The following IL1RAPL1 variants were observed in gnomAD, a reference collection of about 807,000 sequenced individuals.
IL1RAPL1 encodes interleukin 1 receptor accessory protein like 1.
A neutral mutation model predicts 48.4 loss-of-function variants in IL1RAPL1; 3 were observed. The observed-to-expected ratio is 0.06, with a 90% CI of 0.03 to 0.16. The LOEUF (loss-of-function observed/expected upper bound fraction) is 0.16. Among genes scored for constraint, IL1RAPL1 ranks in the 10% least tolerant of loss-of-function variants. The pLI is 1.00. For synonymous variants in IL1RAPL1, 185 were observed against 187.7 expected (o/e 0.99, Z 0.12); for missense variants, 349 against 530.6 (o/e 0.66, Z 3.36).
chrX:29,863,015 AT>A (rs1288716233), intron 6 of IL1RAPL1, among the ~76,000 whole-genome samples: 1 of 108,442 alleles, frequency 9.2e-6, no homozygotes, highest in Non-Finnish European at 1.9e-5. Flanking sequence ...TAGTAGAGAC[AT>A]TTTTTACCCA....
At chrX:29,544,478 T>C (rs1921543344) in intron 5 of IL1RAPL1, among the ~76,000 whole-genome samples, 1 of 111,610 alleles carries the variant, frequency 9.0e-6, no homozygotes, top group Admixed American at 9.6e-5. Context: ...CATGGAGCAG[T>C]AAGAGTTTTT....
intron 2 of IL1RAPL1, among the ~76,000 whole-genome samples, chrX:29,233,692 G>A (rs1348786565): frequency 1.8e-5 from 2 of 111,187 alleles, no homozygotes; most frequent in East Asian, 2.8e-4. Flanking sequence ...CCACACCCCC[G>A]ACTAGGTTAC....
chrX:28,778,233 A>G (rs1326502691), intron 1 of IL1RAPL1, among the ~76,000 whole-genome samples: 1 of 112,448 alleles, frequency 8.9e-6, no homozygotes, highest in Non-Finnish European at 1.9e-5. Context: ...TCTAATTGGC[A>G]TAAAGCCACC....
chrX:29,795,172 T>C (rs945930020), intron 6 of IL1RAPL1, among the ~76,000 whole-genome samples: 2 of 112,092 alleles, frequency 1.8e-5, no homozygotes, highest in African/African-American at 6.5e-5. Flanking sequence ...TAATACTTCA[T>C]AGATATCCTA....
intron 5 of IL1RAPL1, among the ~76,000 whole-genome samples, chrX:29,428,567 C>CA (rs1206227085): frequency 2.4e-4 from 25 of 103,523 alleles, no homozygotes; most frequent in South Asian, 2.1e-3. Flanking sequence ...ACTTTAGGAA[C>CA]AAAAAAAAAA....
chrX:29,659,065 C>T (rs1000068313), intron 5 of IL1RAPL1, among the ~76,000 whole-genome samples: 3 of 111,487 alleles, frequency 2.7e-5, no homozygotes, highest in Non-Finnish European at 3.8e-5. Flanking sequence ...TCATATGGAA[C>T]GAAATGGAGC....
intron 1 of IL1RAPL1, among the ~76,000 whole-genome samples, chrX:28,660,086 GGTGTGTGTGT>G (rs60600833): frequency 0.013 from 976 of 76,427 alleles, 8 homozygotes; most frequent in African/African-American, 0.027. Context: ...GAGTGAGGAT[GGTGTGTGTGT>G]GTGTGTGTGT....
At chrX:28,918,501 A>G (rs1923541500) in intron 2 of IL1RAPL1, among the ~76,000 whole-genome samples, 1 of 112,268 alleles carries the variant, frequency 8.9e-6, no homozygotes, top group South Asian at 3.6e-4. Context: ...TTACAGGGCT[A>G]GGACATTAAA....
chrX:28,832,840 TA>T (rs1555928237), intron 2 of IL1RAPL1, among the ~76,000 whole-genome samples: 2,464 of 100,038 alleles, frequency 0.025, 115 homozygotes, highest in African/African-American at 0.097. Context: ...TTTTTTTTTT[TA>T]GATTCAGGGG....
intron 2 of IL1RAPL1, among the ~76,000 whole-genome samples, chrX:29,189,926 G>A (rs747401066): frequency 6.0e-4 from 67 of 111,720 alleles, no homozygotes; most frequent in Middle Eastern, 9.3e-3. Flanking sequence ...GAAGTATGAC[G>A]TGAATGGCAT....
chrX:29,752,101 T>TATATAC (rs1555916894), intron 6 of IL1RAPL1, among the ~76,000 whole-genome samples: 1 of 99,174 alleles, frequency 1.0e-5, no homozygotes, highest in African/African-American at 3.7e-5. Context: ...TATATATATA[T>TATATAC]ATACACACAT....
intron 2 of IL1RAPL1, among the ~76,000 whole-genome samples, chrX:29,217,508 T>G (rs572562519): frequency 1.8e-5 from 2 of 112,126 alleles, no homozygotes; most frequent in African/African-American, 6.5e-5. Flanking sequence ...CTTTATTATC[T>G]TATTTTGTTC....
intron 1 of IL1RAPL1, among the ~76,000 whole-genome samples, chrX:28,751,644 T>C (rs1176553207): frequency 3.6e-5 from 4 of 112,314 alleles, no homozygotes; most frequent in Non-Finnish European, 5.6e-5. Flanking sequence ...CAGCAGTAGA[T>C]AAAATACAAG....
chrX:28,880,820 T>A (rs1480138964), intron 2 of IL1RAPL1, among the ~76,000 whole-genome samples: 1 of 111,675 alleles, frequency 9.0e-6, no homozygotes, highest in Non-Finnish European at 1.9e-5. Context: ...TTCCAATGAC[T>A]TCTCTCCCAA....
At position 29,941,519 on chromosome X, in the gene IL1RAPL1, A is replaced by G. The variant is rs1281322533; in HGVS notation, c.1058-132A>G. The G allele has an allele frequency of 9.4e-6, 6 of 639,921 alleles. No individual in the cohort carries two copies. The East Asian group carries it at 2.0e-4, about 21-fold the overall frequency. The allele number at this position is 639,921 out of a possible 1,213,427, so 52.7% of individuals were successfully genotyped here. Reference sequence around the variant, plus strand: ...CAAAAGGTCAAATTCTCATGCAAAAAGGAAAGGGGTTGTGTCAACCCGTTA... The same window carrying G: ...CAAAAGGTCAAATTCTCATGCAAAAGGGAAAGGGGTTGTGTCAACCCGTTA... On this transcript the variant is annotated intron_variant, in intron 8 of 10. Coordinates refer to ENST00000378993, the MANE Select transcript of IL1RAPL1 (RefSeq NM_014271.4).
intron 2 of IL1RAPL1, among the ~76,000 whole-genome samples, chrX:28,889,785 AT>A (rs1207499596): frequency 2.8e-3 from 309 of 110,560 alleles, no homozygotes; most frequent in Non-Finnish European, 5.3e-3. Context: ...CTTACAGCGA[AT>A]TTACAATATC....
chrX:28,995,369 G>A (rs943512406), intron 2 of IL1RAPL1, among the ~76,000 whole-genome samples: 5 of 110,311 alleles, frequency 4.5e-5, no homozygotes, highest in African/African-American at 9.9e-5. Flanking sequence ...TTAAGTAAGC[G>A]CTAGGGAGAG....
At chrX:29,406,603 C>T (rs929229189) in intron 5 of IL1RAPL1, among the ~76,000 whole-genome samples, 3 of 111,363 alleles carry the variant, frequency 2.7e-5, no homozygotes, top group African/African-American at 3.3e-5. Flanking sequence ...AGGCAAAAGC[C>T]GCAATTACAT....
intron 2 of IL1RAPL1, among the ~76,000 whole-genome samples, chrX:29,114,338 T>A (rs994986628): frequency 8.9e-6 from 1 of 112,256 alleles, no homozygotes; most frequent in Non-Finnish European, 1.9e-5. Context: ...TAGATCAGTG[T>A]TGATAAATTC....
Sources: gnomAD v4.1 joint callset for allele counts (sites outside exome capture counted in the v4.1 genomes callset) on GRCh38, gnomAD v4.1.1 for gene constraint, MANE v1.5 for transcripts, NCBI Gene and HGNC (gene_info 2026-07-23, HGNC 2026-07-21) for gene names.